SLC14A2: variants seen among roughly 807,000 people sequenced by gnomAD.
SLC14A2 encodes urea transporter 2.
Under a neutral mutation model 104.6 loss-of-function variants are expected in SLC14A2, and 91 were observed. That is an observed-to-expected ratio of 0.87 (90% CI 0.73 to 1.04). The LOEUF is 1.04. Among genes scored for constraint, SLC14A2 ranks in the 50% least tolerant of loss-of-function variants. SLC14A2 has a pLI of 0.00. For synonymous variants in SLC14A2, 476 were observed against 466.4 expected (o/e 1.02, Z -0.27); for missense variants, 1,189 against 1,156.0 (o/e 1.03, Z -0.41).
chr18:45,530,043 G>A (rs2043658224), intron 2 of SLC14A2, among the ~76,000 whole-genome samples: 1 of 152,088 alleles, frequency 6.6e-6, no homozygotes, highest in Non-Finnish European at 1.5e-5. Flanking sequence ...ACAAATTTTT[G>A]TTCAAGGACT....
In SLC14A2 at chr18:45,640,019, C is replaced by T. The variant is rs149513072; in HGVS notation, c.991+126C>T. ...TTTTAAATACTTTCAGGGAGACAGG[C>T]ACGGTGACTTATGCCTGTAATCCCA... is the stretch of plus-strand genomic sequence containing the variant. On this transcript the variant is annotated intron_variant, in intron 7 of 19. Coordinates refer to ENST00000255226, the MANE Select transcript of SLC14A2 (RefSeq NM_007163.4). 276 of 907,820 alleles carry T rather than the reference C, an allele frequency of 3.0e-4. 1 individual carries two copies. The African/African-American group carries it at 3.4e-3, about 11-fold the overall frequency. The allele number at this position is 907,820 out of a possible 1,614,324, so 56.2% of individuals were successfully genotyped here. A position where few individuals can be genotyped will look rare whatever the true frequency, so the allele number is the denominator to read the frequency against.
intron 2 of SLC14A2, among the ~76,000 whole-genome samples, chr18:45,547,321 T>C (rs1403309191): frequency 4.6e-5 from 7 of 152,208 alleles, no homozygotes. Context: ...CAGGGTCATT[T>C]AAAGCCTGAC....
intron 1 of SLC14A2, among the ~76,000 whole-genome samples, chr18:45,460,242 G>A (rs1159834611): frequency 6.6e-6 from 1 of 152,198 alleles, no homozygotes; most frequent in Admixed American, 6.5e-5. Flanking sequence ...AGGCAAAGGA[G>A]AGGAGGTAGA....
At chr18:45,199,820 T>C in the SLC14A2 span, among the ~76,000 whole-genome samples, 1 of 152,174 alleles carries the variant, frequency 6.6e-6, no homozygotes, top group African/African-American at 2.4e-5. Flanking sequence ...ATACCTTCAA[T>C]AGCCTGGGAA....
At chr18:45,448,562 T>C in intron 1 of SLC14A2, among the ~76,000 whole-genome samples, 1 of 152,182 alleles carries the variant, frequency 6.6e-6, no homozygotes, top group Non-Finnish European at 1.5e-5. Flanking sequence ...ATGCAGAATT[T>C]TAGATAAAAC....
At chr18:45,454,107 C>T (rs1035231374) in intron 1 of SLC14A2, among the ~76,000 whole-genome samples, 1 of 152,106 alleles carries the variant, frequency 6.6e-6, no homozygotes, top group African/African-American at 2.4e-5. Flanking sequence ...ATCCACCCAC[C>T]TCGGCCTCCC....
At chr18:45,623,700 T>C (rs936349332) in intron 1 of SLC14A2, among the ~76,000 whole-genome samples, 2 of 152,156 alleles carry the variant, frequency 1.3e-5, no homozygotes, top group Non-Finnish European at 1.5e-5. Flanking sequence ...GTATACGGAA[T>C]GGTAGTACCC....
intron 1 of SLC14A2, among the ~76,000 whole-genome samples, chr18:45,226,053 A>G (rs1304808485): frequency 2.0e-5 from 3 of 152,224 alleles, no homozygotes; most frequent in East Asian, 1.9e-4. Context: ...TATGCAGCCA[A>G]AAGACACATG....
At chr18:45,209,180 C>CG (rs554469014), upstream of SLC14A2, among the ~76,000 whole-genome samples, 1 of 83,868 alleles carries the variant, frequency 1.2e-5, no homozygotes, top group African/African-American at 3.8e-5. Flanking sequence ...ATTAAAAATA[C>CG]AAAAAAAAAA....
intron 1 of SLC14A2, chr18:45,482,355 A>G (rs1215804013): frequency 6.6e-6 from 1 of 152,206 alleles, no homozygotes; most frequent in Non-Finnish European, 1.5e-5. Context: ...GCTGTTTTAC[A>G]CCAAAACTTA....
intron 2 of SLC14A2, among the ~76,000 whole-genome samples, chr18:45,503,933 G>T (rs138408346): frequency 7.1e-6 from 1 of 141,012 alleles, no homozygotes; most frequent in African/African-American, 2.6e-5. Context: ...CCCAAAGTTA[G>T]TAACAGAGCC....
chr18:45,622,797 G>A (rs2045195921), intron 1 of SLC14A2, among the ~76,000 whole-genome samples: 1 of 152,114 alleles, frequency 6.6e-6, no homozygotes, highest in Non-Finnish European at 1.5e-5. Flanking sequence ...TGCCATGGAG[G>A]CCTTAGAGAC....
At chr18:45,445,771 G>C (rs970460874) in intron 1 of SLC14A2, among the ~76,000 whole-genome samples, 7 of 152,162 alleles carry the variant, frequency 4.6e-5, no homozygotes, top group Non-Finnish European at 1.0e-4. Context: ...ATGATATCAA[G>C]AGGCAGATGA....
At chr18:45,432,985 G>C (rs2086540737) in intron 1 of SLC14A2, among the ~76,000 whole-genome samples, 2 of 152,144 alleles carry the variant, frequency 1.3e-5, no homozygotes, top group Non-Finnish European at 2.9e-5. Flanking sequence ...TTTGCTAACT[G>C]TTTTCTACTC....
At chr18:45,576,279 T>TC (rs2044417640) in intron 2 of SLC14A2, among the ~76,000 whole-genome samples, 1 of 142,946 alleles carries the variant, frequency 7.0e-6, no homozygotes, top group African/African-American at 2.6e-5. Flanking sequence ...GGGCTTTTTT[T>TC]TTTTTTTTTT....
chr18:45,633,065 C>T (rs2045370724), intron 5 of SLC14A2, among the ~76,000 whole-genome samples: 1 of 152,182 alleles, frequency 6.6e-6, no homozygotes, highest in Non-Finnish European at 1.5e-5. Flanking sequence ...TAAAAGTCAG[C>T]ATTTCCTAAG....
At chr18:45,566,515 G>GCGCA (rs1406094184) in intron 2 of SLC14A2, among the ~76,000 whole-genome samples, 5 of 149,972 alleles carry the variant, frequency 3.3e-5, no homozygotes, top group African/African-American at 1.2e-4. Context: ...GCTCACGCTC[G>GCGCA]CACACACACA....
At chr18:45,171,188 A>T in the SLC14A2 span, among the ~76,000 whole-genome samples, 2 of 152,284 alleles carry the variant, frequency 1.3e-5, no homozygotes, top group East Asian at 3.9e-4. Context: ...CATGAAACAT[A>T]CTTGCACAAA....
intron 3 of SLC14A2, 111 bp downstream of exon 3, chr18:45,625,974 T>C (rs2045251777): frequency 1.2e-6 from 1 of 830,880 alleles, no homozygotes; most frequent in Non-Finnish European, 1.7e-6. Context: ...TCACCCTGGG[T>C]GGATCTGCCC....
Sources: gnomAD v4.1 joint callset for allele counts (sites outside exome capture counted in the v4.1 genomes callset) on GRCh38, gnomAD v4.1.1 for gene constraint, MANE v1.5 for transcripts, NCBI Gene and HGNC (gene_info 2026-07-23, HGNC 2026-07-21) for gene names.